The following GLRA1 variants were observed in gnomAD, a reference collection of about 807,000 sequenced individuals.
GLRA1 encodes the protein glycine receptor alpha 1.
A neutral mutation model predicts 48.3 loss-of-function variants in GLRA1; 37 were observed. The observed-to-expected ratio is 0.77, with a 90% confidence interval of 0.59 to 1.01. The LOEUF is 1.01. Among genes scored for constraint, GLRA1 ranks in the 50% least tolerant of loss-of-function variants. The pLI is 0.00. For missense variants in GLRA1, 427 were observed against 571.0 expected (o/e 0.75, Z 2.57); for synonymous variants, 196 against 210.7 (o/e 0.93, Z 0.60).
At chr5:151,825,115 A>G (rs1158149535) in intron 8 of GLRA1, among the ~76,000 whole-genome samples, 1 of 152,190 alleles carries the variant, frequency 6.6e-6, no homozygotes, top group African/African-American at 2.4e-5. Flanking sequence ...GTGCCTGGCA[A>G]ACAGGTGCTC....
At chr5:151,872,161 G>C (rs1461752985) in intron 3 of GLRA1, among the ~76,000 whole-genome samples, 1 of 149,452 alleles carries the variant, frequency 6.7e-6, no homozygotes, top group Non-Finnish European at 1.5e-5. Context: ...AATGGTGTTG[G>C]AATAATAGAA....
chr5:151,851,401 A>T lies in GLRA1; in HGVS notation c.901T>A (p.Ser301Thr). 1.2e-6 allele frequency: 2 copies of T among 1,612,442 alleles called. No individual in the cohort carries two copies. The highest frequency in any genetic ancestry group is 1.7e-6 in the Non-Finnish European group (2 of 1,179,134). ...MTTQSSGSRA[S>T]LPKVSYVKAI... The stretch of plus-strand genomic sequence containing the variant: ...GCAATGGGACTTACCTTGGGCAGAG[A>T]TGCTCGAGAGCCGGAGCTCTGGGTG... The change falls in exon 7 of 9, where the codon TCT becomes ACT. Residue 301 changes from serine to threonine, a missense_variant. Ser to Thr is a moderately conservative substitution (Grantham distance 58). This residue lies in a region of GLRA1 where 271 missense variants were observed against 434.9 expected (regional missense o/e 0.62). Transcript: ENST00000274576.
chr5:151,890,194 A>C (rs975794085), intron 2 of GLRA1, among the ~76,000 whole-genome samples: 2 of 152,208 alleles, frequency 1.3e-5, no homozygotes, highest in Non-Finnish European at 2.9e-5. Flanking sequence ...TGACTTGAAA[A>C]AGTCACTTAA....
intron 8 of GLRA1, among the ~76,000 whole-genome samples, chr5:151,827,126 GT>G (rs1161040905): frequency 1.4e-5 from 2 of 145,922 alleles, no homozygotes; most frequent in South Asian, 4.4e-4. Flanking sequence ...CTTCCTAGTA[GT>G]TGGGATTATA....
chr5:151,878,582 C>T (rs370859091), intron 3 of GLRA1, among the ~76,000 whole-genome samples: 1 of 152,126 alleles, frequency 6.6e-6, no homozygotes. Flanking sequence ...TGGAGAAAAT[C>T]GTTTCGTGGG....
At chr5:151,889,914 G>A (rs1377095177) in intron 2 of GLRA1, among the ~76,000 whole-genome samples, 27 of 152,062 alleles carry the variant, frequency 1.8e-4, no homozygotes, top group Non-Finnish European at 1.5e-5. Flanking sequence ...AGTCAGGTGG[G>A]GGTCGAGGGA....
rs779885989 is a variant in GLRA1, at chr5:151,822,640, C to T, written c.*33G>A. 4.7e-6 allele frequency: 7 copies of T among 1,497,736 alleles called. No individual in the cohort carries two copies. The South Asian group carries it at 5.7e-5, about 12-fold the overall frequency. 92.8% of individuals were successfully genotyped at this position (1,497,736 alleles called of 1,614,324 possible). On this transcript the variant is annotated 3_prime_UTR_variant, in exon 9 of 9. Coordinates refer to ENST00000274576, the MANE Select transcript of GLRA1 (RefSeq NM_000171.4). ...GATTCCTGTGCTATTCCCACGTTCCCCTCTCCCAGCCTCCCCCAACCTTTC... is the reference window on the plus strand; with the variant it reads ...GATTCCTGTGCTATTCCCACGTTCCTCTCTCCCAGCCTCCCCCAACCTTTC...
chr5:151,831,730 A>G (rs1763431400), intron 7 of GLRA1, among the ~76,000 whole-genome samples: 1 of 152,216 alleles, frequency 6.6e-6, no homozygotes, highest in Non-Finnish European at 1.5e-5. Context: ...CAGCTTCAGC[A>G]GACTTAAACG....
intron 1 of GLRA1, among the ~76,000 whole-genome samples, chr5:151,920,462 T>G (rs981844371): frequency 6.6e-6 from 1 of 152,188 alleles, no homozygotes; most frequent in African/African-American, 2.4e-5. Context: ...ATCCTCTGCT[T>G]AAGTCATTAC....
At chr5:151,838,261 A>G (rs1763624926) in intron 7 of GLRA1, among the ~76,000 whole-genome samples, 1 of 152,172 alleles carries the variant, frequency 6.6e-6, no homozygotes, top group African/African-American at 2.4e-5. Context: ...TCAGGTCAGG[A>G]GTTTGAGACC....
At chr5:151,921,730 C>G (rs887358366) in intron 1 of GLRA1, among the ~76,000 whole-genome samples, 2 of 152,136 alleles carry the variant, frequency 1.3e-5, no homozygotes, top group Non-Finnish European at 2.9e-5. Context: ...TTATTTTTGA[C>G]CAGTCTGGCT....
chr5:151,853,938 G>A (rs1244894265), intron 6 of GLRA1, among the ~76,000 whole-genome samples: 1 of 152,156 alleles, frequency 6.6e-6, no homozygotes, highest in African/African-American at 2.4e-5. Flanking sequence ...TGAGTTGATG[G>A]ATATGTTACT....
At position 151,856,793 on chromosome 5, in the gene GLRA1, A is replaced by T. The variant is rs150069464; in HGVS notation, c.477-410T>A. 5.2e-3 allele frequency among the ~76,000 whole-genome samples: 794 copies of T among 152,302 alleles called. 9 individuals are homozygous for T. Among genetic ancestry groups the T allele is most frequent in the African/African-American group, 0.018 (747 of 41,542 alleles). On this transcript the variant is annotated intron_variant, in intron 4 of 8. Transcript: ENST00000274576. ...CACATCAGTCTCCAAAAGTGCTGGG[A>T]TTACAGGCATGAGCCACCATGCCCG...
chr5:151,833,154 A>G (rs1763469206), intron 7 of GLRA1, among the ~76,000 whole-genome samples: 1 of 152,216 alleles, frequency 6.6e-6, no homozygotes, highest in Non-Finnish European at 1.5e-5. Flanking sequence ...AGGAAGCACT[A>G]AACATGGAAA....
chr5:151,922,228 C>A (rs1285094825), intron 1 of GLRA1, among the ~76,000 whole-genome samples: 1 of 152,190 alleles, frequency 6.6e-6, no homozygotes, highest in Non-Finnish European at 1.5e-5. Flanking sequence ...CACATGGAAC[C>A]TGCTAGAGAC....
intron 7 of GLRA1, among the ~76,000 whole-genome samples, chr5:151,838,330 G>C (rs1316052755): frequency 6.6e-6 from 1 of 152,042 alleles, no homozygotes; most frequent in Non-Finnish European, 1.5e-5. Context: ...TTAGCCAGGT[G>C]TGGTGGTGCA....
intron 7 of GLRA1, among the ~76,000 whole-genome samples, chr5:151,844,706 T>C (rs1752621904): frequency 6.6e-6 from 1 of 151,520 alleles, no homozygotes; most frequent in African/African-American, 2.4e-5. Flanking sequence ...AATTAGACTT[T>C]ATCAAAATTA....
At chr5:151,826,561 A>C (rs181517602) in intron 8 of GLRA1, among the ~76,000 whole-genome samples, 1 of 152,074 alleles carries the variant, frequency 6.6e-6, no homozygotes, top group Non-Finnish European at 1.5e-5. Context: ...TGGCCTTGCT[A>C]TTGTGGGTCT....
intron 3 of GLRA1, among the ~76,000 whole-genome samples, chr5:151,877,681 G>A (rs974478361): frequency 2.0e-5 from 3 of 152,150 alleles, no homozygotes; most frequent in Admixed American, 6.5e-5. Flanking sequence ...TGCTGTTCTC[G>A]TGATAGTGAA....
Sources: gnomAD v4.1 joint callset for allele counts (sites outside exome capture counted in the v4.1 genomes callset) on GRCh38, gnomAD v4.1.1 for gene constraint, gnomAD v4.1.1 regional missense constraint, MANE v1.5 for transcripts, NCBI Gene and HGNC (gene_info 2026-07-23, HGNC 2026-07-21) for gene names.